Variants in PLPP3 observed in about 807,000 individuals in gnomAD.
The protein encoded by PLPP3 is phospholipid phosphatase 3.
Under a neutral mutation model 29.6 loss-of-function variants are expected in PLPP3, and 6 were observed. That is an observed-to-expected ratio of 0.20 (90% confidence interval 0.11 to 0.40). The LOEUF is 0.40. PLPP3 is among the 10% of genes least tolerant of loss of function. PLPP3 has a pLI of 1.00. For synonymous variants in PLPP3, 152 were observed against 159.7 expected (o/e 0.95, Z 0.36); for missense variants, 308 against 407.7 (o/e 0.76, Z 2.11).
Position 56,560,657 on chromosome 1 carries a change from G to GC in PLPP3, c.139+18220dup, listed in dbSNP as rs530606088. On this transcript the variant is annotated intron_variant, in intron 1 of 5. Coordinates refer to ENST00000371250, the MANE Select transcript of PLPP3 (RefSeq NM_003713.5). ...CCTCATGACCTAATTACCTCTTAAA[G>GC]CCCCCCCACCTTCCATCACCTTGGT... is the stretch of plus-strand genomic sequence containing the variant. Among the ~76,000 whole-genome samples, 8 of 152,034 alleles carry GC rather than the reference G, an allele frequency of 5.3e-5. No homozygotes were observed. The East Asian group carries it at 1.5e-3, about 29-fold the overall frequency.
chr1:56,517,309 C>T (rs752638257), intron 4 of PLPP3, among the ~76,000 whole-genome samples: 4 of 152,216 alleles, frequency 2.6e-5, no homozygotes, highest in Middle Eastern at 3.2e-3. Flanking sequence ...GGGTAGCTTG[C>T]AAACATATTG....
Position 56,541,900 on chromosome 1 carries a change from C to A in PLPP3, c.140-4788G>T, listed in dbSNP as rs1487851319. Among the ~76,000 whole-genome samples, 7 of 145,574 alleles carry A rather than the reference C, an allele frequency of 4.8e-5. No homozygotes were observed. In the Admixed American group the frequency reaches 4.9e-4, roughly 10 times the overall value. On this transcript the variant is annotated intron_variant, in intron 1 of 5. Transcript: ENST00000371250. ...AACTAATTTCATCAAACTCTGAACG[C>A]AATAGCCTGGAGTTTAAATGTATTC...
intron 1 of PLPP3, 54 bp from the exon 2 acceptor site, chr1:56,537,166 G>A: frequency 6.4e-7 from 1 of 1,564,556 alleles, no homozygotes; most frequent in Non-Finnish European, 8.7e-7. Context: ...AAAAAGGAAG[G>A]GGAAAACATC....
At chr1:56,531,819 G>T (rs1254301395) in intron 2 of PLPP3, among the ~76,000 whole-genome samples, 1 of 152,060 alleles carries the variant, frequency 6.6e-6, no homozygotes, top group Non-Finnish European at 1.5e-5. Context: ...TGTCAAATGT[G>T]GTAAATAATA....
intron 2 of PLPP3, among the ~76,000 whole-genome samples, chr1:56,530,781 A>G (rs543666540): frequency 1.3e-5 from 2 of 152,106 alleles, no homozygotes; most frequent in African/African-American, 2.4e-5. Flanking sequence ...TCTTGCCACA[A>G]TCTTCTTTTC....
intron 1 of PLPP3, among the ~76,000 whole-genome samples, chr1:56,557,621 T>C (rs939008119): frequency 2.6e-5 from 4 of 152,218 alleles, no homozygotes; most frequent in African/African-American, 9.6e-5. Context: ...CCACTGGCTT[T>C]CAGGTCAGAC....
At chr1:56,519,484 A>G (rs953098821) in intron 4 of PLPP3, among the ~76,000 whole-genome samples, 10 of 152,192 alleles carry the variant, frequency 6.6e-5, no homozygotes, top group Non-Finnish European at 1.3e-4. Context: ...TTGGTGCATC[A>G]TAGTCCCTCA....
At chr1:56,571,112 C>A (rs1026334861) in intron 1 of PLPP3, among the ~76,000 whole-genome samples, 13 of 152,314 alleles carry the variant, frequency 8.5e-5, no homozygotes, top group Non-Finnish European at 1.5e-4. Context: ...AGTCCACATC[C>A]GAAAAGCAGA....
intron 1 of PLPP3, among the ~76,000 whole-genome samples, chr1:56,541,242 T>C (rs1248416232): frequency 2.0e-5 from 3 of 152,022 alleles, no homozygotes; most frequent in Non-Finnish European, 2.9e-5. Context: ...CATAAAAAAA[T>C]CAGTGCAGTT....
intron 1 of PLPP3, among the ~76,000 whole-genome samples, chr1:56,560,553 T>C (rs952254402): frequency 1.4e-4 from 22 of 152,270 alleles, no homozygotes; most frequent in Admixed American, 1.3e-3. Flanking sequence ...TGTTCTCATA[T>C]GATGGAAGGG....
At chr1:56,549,084 G>T (rs556438833) in intron 1 of PLPP3, among the ~76,000 whole-genome samples, 28 of 152,296 alleles carry the variant, frequency 1.8e-4, no homozygotes, top group Admixed American at 3.9e-4. Context: ...AAAAGGAAGC[G>T]AACTGGCAGT....
Position 56,554,266 on chromosome 1 carries a change from G to C in PLPP3, c.140-17154C>G, listed in dbSNP as rs367844846. Among the ~76,000 whole-genome samples the C allele has an allele frequency of 2.0e-4, 31 of 152,162 alleles. No individual in the cohort carries two copies. The East Asian group carries it at 2.9e-3, about 14-fold the overall frequency. On this transcript the variant is annotated intron_variant, in intron 1 of 5. Transcript: ENST00000371250. The stretch of plus-strand genomic sequence containing the variant: ...CTAGAATCAATCTTGACGGGTTACT[G>C]TGAAGTTTAGAAATACAGTGCCATG...
chr1:56,512,100 A>T lies in PLPP3; in HGVS notation c.686T>A (p.Leu229His). ...CATCATGATCAAGGTGAACTGCAGG[A>T]GGGGCCGGAGCAGGCGGGCTCCTCG... ...TWRGARLLRP[L>H]LQFTLIMMAF... is the part of the protein sequence containing the mutation. Residue 229 changes from leucine to histidine, a missense_variant, in exon 5 of 6, where the codon CTC becomes CAC. Around this residue, in one of 3 missense-constraint regions of PLPP3, gnomAD observed 232 missense variants for 317.2 expected, o/e 0.73. Coordinates refer to ENST00000371250, the MANE Select transcript of PLPP3 (RefSeq NM_003713.5). The T allele has an allele frequency of 6.2e-7, 1 of 1,612,698 alleles. No homozygotes were observed. Among genetic ancestry groups the T allele is most frequent in the Non-Finnish European group, 8.5e-7 (1 of 1,179,512 alleles).
chr1:56,578,150 C>A (rs1646248800), intron 1 of PLPP3, among the ~76,000 whole-genome samples: 1 of 152,156 alleles, frequency 6.6e-6, no homozygotes, highest in Admixed American at 6.5e-5. Flanking sequence ...GGTCCCCAAA[C>A]AAGATCGCAG....
chr1:56,534,838 C>T (rs1645914125), intron 2 of PLPP3, among the ~76,000 whole-genome samples: 1 of 152,116 alleles, frequency 6.6e-6, no homozygotes, highest in Non-Finnish European at 1.5e-5. Context: ...ATTCACGTGT[C>T]TCCAGCTGAA....
At chr1:56,557,626 T>G (rs1646093821) in intron 1 of PLPP3, among the ~76,000 whole-genome samples, 1 of 152,188 alleles carries the variant, frequency 6.6e-6, no homozygotes, top group Non-Finnish European at 1.5e-5. Flanking sequence ...GGCTTTCAGG[T>G]CAGACATCTT....
In PLPP3 at chr1:56,579,157, G is replaced by C. The variant is rs1244878784; in HGVS notation, c.-141C>G. The C allele has an allele frequency of 2.6e-6, 3 of 1,147,554 alleles. No homozygotes were observed. The highest frequency in any genetic ancestry group is 3.5e-6 in the Non-Finnish European group (3 of 851,428). 71.1% of individuals were successfully genotyped at this position (1,147,554 alleles called of 1,614,324 possible). A position where few individuals can be genotyped will look rare whatever the true frequency, so the allele number is the denominator to read the frequency against. ...GCCCCGGCTCCGGGCGCGGCGGCTA[G>C]AGTGCAGCCGGGGCTGCCTGCCTCC... On this transcript the variant is annotated 5_prime_UTR_variant, in exon 1 of 6. Coordinates refer to ENST00000371250, the MANE Select transcript of PLPP3 (RefSeq NM_003713.5).
At chr1:56,506,217 T>A (rs1297846917) in intron 5 of PLPP3, among the ~76,000 whole-genome samples, 1 of 152,222 alleles carries the variant, frequency 6.6e-6, no homozygotes, top group Non-Finnish European at 1.5e-5. Context: ...ATTTACTGTT[T>A]AGCCCTTTAG....
At chr1:56,515,146 A>G (rs1170658887) in intron 4 of PLPP3, among the ~76,000 whole-genome samples, 5 of 152,196 alleles carry the variant, frequency 3.3e-5, no homozygotes, top group Non-Finnish European at 7.3e-5. Flanking sequence ...CACATATAAA[A>G]TAAGTGTAGC....
Sources: allele counts gnomAD v4.1 joint callset (sites outside exome capture counted in the v4.1 genomes callset), GRCh38; gene constraint gnomAD v4.1.1; regional missense constraint gnomAD v4.1.1; transcripts MANE v1.5; gene names NCBI Gene and HGNC (gene_info 2026-07-23, HGNC 2026-07-21).